GABRB3: variants seen among roughly 807,000 people sequenced by gnomAD.
The protein encoded by GABRB3 is gamma-aminobutyric acid type A receptor subunit beta3.
Under a neutral mutation model 52.1 loss-of-function variants are expected in GABRB3, and 14 were observed. The ratio of observed to expected loss-of-function variants is 0.27; its 90% CI spans 0.18 to 0.42. The LOEUF (loss-of-function observed/expected upper bound fraction) is 0.42. Ranked by LOEUF, GABRB3 falls within the 10% of genes least tolerant of loss-of-function variation. GABRB3 has a pLI of 1.00. For synonymous variants in GABRB3, 260 were observed against 232.3 expected, an observed-to-expected ratio of 1.12 and a Z score of -1.08; for missense variants, 307 against 609.1, an observed-to-expected ratio of 0.50 and a Z score of 5.22.
At chr15:26,554,025 A>T (rs1479896454) in intron 8 of GABRB3, among the ~76,000 whole-genome samples, 1 of 74,688 alleles carries the variant, frequency 1.3e-5, no homozygotes, top group African/African-American at 6.1e-5. Context: ...GACTATTTAT[A>T]TATATATATA....
chr15:26,750,578 A>T (rs1890477184), intron 3 of GABRB3, among the ~76,000 whole-genome samples: 1 of 152,196 alleles, frequency 6.6e-6, no homozygotes, highest in Non-Finnish European at 1.5e-5. Flanking sequence ...CGGGCAGAAT[A>T]CTCAGAGACA....
At chr15:26,742,209 T>C (rs1890226033) in intron 3 of GABRB3, among the ~76,000 whole-genome samples, 2 of 152,150 alleles carry the variant, frequency 1.3e-5, no homozygotes, top group Admixed American at 6.5e-5. Context: ...ATGTATCTCT[T>C]AGAGTTTGCC....
intron 5 of GABRB3, chr15:26,581,356 G>C (rs1204290345): frequency 1.3e-5 from 2 of 152,150 alleles, no homozygotes; most frequent in Non-Finnish European, 1.5e-5. Flanking sequence ...CAAACAAATG[G>C]ACCAAAGCTG....
At chr15:26,607,891 TC>T (rs1264830108) in intron 4 of GABRB3, among the ~76,000 whole-genome samples, 1 of 152,070 alleles carries the variant, frequency 6.6e-6, no homozygotes, top group Non-Finnish European at 1.5e-5. Flanking sequence ...TCCACATTAC[TC>T]AAAATGATCT....
chr15:26,558,931 A>G (rs1169206301), intron 8 of GABRB3, among the ~76,000 whole-genome samples: 1 of 152,210 alleles, frequency 6.6e-6, no homozygotes, highest in African/African-American at 2.4e-5. Context: ...CAAGCTGTAC[A>G]GGAAGCATGG....
chr15:26,617,994 C>T (rs1308771981), intron 4 of GABRB3, among the ~76,000 whole-genome samples: 24 of 152,020 alleles, frequency 1.6e-4, no homozygotes, highest in Admixed American at 1.4e-3. Flanking sequence ...AACTACAAAC[C>T]ACTGCTCAAT....
intron 3 of GABRB3, among the ~76,000 whole-genome samples, chr15:26,719,700 G>A (rs182052279): frequency 6.6e-6 from 1 of 152,286 alleles, no homozygotes; most frequent in Non-Finnish European, 1.5e-5. Context: ...CAGATCATCA[G>A]TTTGGACACA....
chr15:26,662,492 C>T (rs144177691), intron 3 of GABRB3, among the ~76,000 whole-genome samples: 9 of 152,168 alleles, frequency 5.9e-5, no homozygotes, highest in African/African-American at 1.9e-4. Context: ...AGGAAACAAA[C>T]GGCCTTATTT....
At chr15:26,729,570 C>T (rs1447160593) in intron 3 of GABRB3, among the ~76,000 whole-genome samples, 2 of 152,216 alleles carry the variant, frequency 1.3e-5, no homozygotes, top group East Asian at 1.9e-4. Flanking sequence ...ATTTCTAAAG[C>T]CTCCATGGAT....
intron 3 of GABRB3, among the ~76,000 whole-genome samples, chr15:26,729,726 C>T (rs1370158261): frequency 6.6e-6 from 1 of 152,160 alleles, no homozygotes; most frequent in Non-Finnish European, 1.5e-5. Context: ...ATGCCCCCAG[C>T]AGGCTCCTTC....
At chr15:26,676,892 T>A (rs1888085158) in intron 3 of GABRB3, among the ~76,000 whole-genome samples, 1 of 152,204 alleles carries the variant, frequency 6.6e-6, no homozygotes, top group Non-Finnish European at 1.5e-5. Context: ...CTTAGATTTT[T>A]AAAAATTTAT....
chr15:26,709,708 A>T (rs550523535), intron 3 of GABRB3, among the ~76,000 whole-genome samples: 35 of 151,922 alleles, frequency 2.3e-4, no homozygotes, highest in African/African-American at 8.0e-4. Context: ...TAGTAGAGAC[A>T]GGGTTTCACC....
At chr15:26,597,903 G>GA (rs774292552) in intron 4 of GABRB3, among the ~76,000 whole-genome samples, 1 of 152,222 alleles carries the variant, frequency 6.6e-6, no homozygotes, top group Non-Finnish European at 1.5e-5. Flanking sequence ...TAGGGGTAGG[G>GA]AAAAGAGAAA....
intron 3 of GABRB3, among the ~76,000 whole-genome samples, chr15:26,751,947 G>A (rs1282275440): frequency 4.6e-5 from 7 of 152,084 alleles, no homozygotes; most frequent in Non-Finnish European, 7.4e-5. Context: ...GCTAATAAAC[G>A]AAAAATATAA....
chr15:26,710,674 G>T (rs963800248), intron 3 of GABRB3, among the ~76,000 whole-genome samples: 2 of 152,184 alleles, frequency 1.3e-5, no homozygotes, highest in Non-Finnish European at 2.9e-5. Flanking sequence ...CACCAGCAAT[G>T]TATAAAGACT....
intron 3 of GABRB3, among the ~76,000 whole-genome samples, chr15:26,720,863 C>T (rs183199313): frequency 3.9e-5 from 6 of 152,150 alleles, no homozygotes; most frequent in Admixed American, 6.5e-5. Flanking sequence ...GTGCATTGTG[C>T]GGATATTCCC....
At chr15:26,725,197 G>T (rs147651709) in intron 3 of GABRB3, among the ~76,000 whole-genome samples, 5 of 152,142 alleles carry the variant, frequency 3.3e-5, no homozygotes, top group Admixed American at 3.3e-4. Context: ...ACACACAAAG[G>T]TCTGGATTTT....
chr15:26,659,415 G>A (rs371551551), intron 3 of GABRB3, among the ~76,000 whole-genome samples: 1 of 152,158 alleles, frequency 6.6e-6, no homozygotes, highest in South Asian at 2.1e-4. Flanking sequence ...CCAGCTACTT[G>A]GGAGGCTGAG....
At chr15:26,558,951 C>T (rs1889869863) in intron 8 of GABRB3, among the ~76,000 whole-genome samples, 1 of 152,148 alleles carries the variant, frequency 6.6e-6, no homozygotes, top group African/African-American at 2.4e-5. Flanking sequence ...GTGCTGGCAC[C>T]TCTTGGCTTC....
Sources: allele counts gnomAD v4.1 joint callset (sites outside exome capture counted in the v4.1 genomes callset), GRCh38; gene constraint gnomAD v4.1.1; transcripts MANE v1.5; gene names NCBI Gene and HGNC (gene_info 2026-07-23, HGNC 2026-07-21).